FUT8: variants seen among roughly 807,000 people sequenced by gnomAD.
The protein encoded by FUT8 is alpha-(1,6)-fucosyltransferase.
In FUT8, 29 loss-of-function variants were observed where a neutral mutation model predicts 71.3. That is an observed-to-expected ratio of 0.41 (90% CI 0.30 to 0.55). The LOEUF is 0.55. Ranked by LOEUF, FUT8 falls within the 20% of genes least tolerant of loss-of-function variation. The probability of loss-of-function intolerance (pLI) is 0.34; values close to 1 mark genes in which losing one functional copy is unlikely to be tolerated. For missense variants in FUT8, 544 were observed against 702.1 expected (o/e 0.77, Z 2.55); for synonymous variants, 254 against 239.3 (o/e 1.06, Z -0.57).
intron 5 of FUT8, among the ~76,000 whole-genome samples, chr14:65,619,365 C>T (rs1889480961): frequency 6.6e-6 from 1 of 152,112 alleles, no homozygotes; most frequent in Non-Finnish European, 1.5e-5. Flanking sequence ...CCACTTGAAG[C>T]TGTTTCCTAG....
At chr14:65,692,355 G>T (rs1281019810) in intron 7 of FUT8, among the ~76,000 whole-genome samples, 6 of 148,514 alleles carry the variant, frequency 4.0e-5, no homozygotes, top group East Asian at 4.1e-4. Flanking sequence ...GCCGGGCGGG[G>T]GGCTGACCCC....
At chr14:65,502,391 A>AT (rs1413452294) in intron 2 of FUT8, among the ~76,000 whole-genome samples, 2 of 150,678 alleles carry the variant, frequency 1.3e-5, no homozygotes, top group African/African-American at 4.9e-5. Flanking sequence ...TGCCTGGCTA[A>AT]TTTTTGTCTT....
At chr14:65,468,276 T>C in intron 2 of FUT8, 2 of 623,256 alleles carry the variant, frequency 3.2e-6, no homozygotes, top group Non-Finnish European at 6.1e-6. Flanking sequence ...AAGGAACAAC[T>C]CCATGTTTAC....
At chr14:65,379,541 C>CA in the FUT8 span, among the ~76,000 whole-genome samples, 2,795 of 142,160 alleles carry the variant, frequency 0.02, 24 homozygotes, top group African/African-American at 0.026. Context: ...AAACAAAAAA[C>CA]AAAAAAAAAA....
chr14:65,539,517 A>G (rs1176704075), intron 2 of FUT8, among the ~76,000 whole-genome samples: 1 of 152,210 alleles, frequency 6.6e-6, no homozygotes. Flanking sequence ...TCCTGGCTCT[A>G]CTACTTAAAA....
intron 2 of FUT8, among the ~76,000 whole-genome samples, chr14:65,458,562 A>T (rs1240108745): frequency 6.6e-6 from 1 of 152,196 alleles, no homozygotes; most frequent in Admixed American, 6.5e-5. Context: ...AGGTCTTGAG[A>T]AAGTATTATG....
At position 65,705,084 on chromosome 14, in the gene FUT8, A is replaced by G. The variant is rs112774046; in HGVS notation, c.836-16691A>G. 1.1e-3 allele frequency among the ~76,000 whole-genome samples: 169 copies of G among 152,316 alleles called. 1 individual carries two copies. The highest frequency in any genetic ancestry group is 3.8e-3 in the African/African-American group (157 of 41,576). On this transcript the variant is annotated intron_variant, in intron 7 of 10. Coordinates refer to ENST00000673929, the MANE Select transcript of FUT8 (RefSeq NM_001371533.1). ...TATGTTTCATATGATTCAATTTAGA[A>G]CTTTTTATTCAATTGGTTGGAGGCT...
At chr14:65,460,576 G>C (rs1410544409) in intron 2 of FUT8, among the ~76,000 whole-genome samples, 1 of 152,078 alleles carries the variant, frequency 6.6e-6, no homozygotes, top group Admixed American at 6.5e-5. Context: ...ACTGTTCTTT[G>C]TTTCTGATCT....
chr14:65,370,967 A>G, the FUT8 span, among the ~76,000 whole-genome samples: 1 of 152,346 alleles, frequency 6.6e-6, no homozygotes, highest in Non-Finnish European at 1.5e-5. Context: ...GGGACGCTAA[A>G]TATATGGGCG....
At chr14:65,465,824 C>G (rs1435661225) in intron 2 of FUT8, among the ~76,000 whole-genome samples, 2 of 152,114 alleles carry the variant, frequency 1.3e-5, no homozygotes, top group Non-Finnish European at 2.9e-5. Flanking sequence ...ATGATACCTT[C>G]CTGATTTTCT....
chr14:65,619,521 A>G (rs765527277), intron 5 of FUT8, among the ~76,000 whole-genome samples: 9 of 152,270 alleles, frequency 5.9e-5, no homozygotes, highest in Non-Finnish European at 1.2e-4. Context: ...GCAAAATACT[A>G]TTTATTTACC....
At chr14:65,672,661 A>G (rs180810342) in intron 7 of FUT8, among the ~76,000 whole-genome samples, 22 of 152,192 alleles carry the variant, frequency 1.4e-4, no homozygotes, top group African/African-American at 4.3e-4. Context: ...GGGTCTCACT[A>G]TATTGCCCAG....
the FUT8 span, among the ~76,000 whole-genome samples, chr14:65,357,356 C>G: frequency 6.6e-6 from 1 of 152,208 alleles, no homozygotes; most frequent in South Asian, 2.1e-4. Context: ...TTATTTATAA[C>G]AGTTCCCATC....
chr14:65,493,804 T>C (rs879813914), intron 2 of FUT8, among the ~76,000 whole-genome samples: 10 of 152,078 alleles, frequency 6.6e-5, no homozygotes, highest in Admixed American at 5.2e-4. Flanking sequence ...TTCTCCTTTT[T>C]TTTTTCTAAG....
chr14:65,548,490 G>C (rs1885099987), intron 2 of FUT8, among the ~76,000 whole-genome samples: 1 of 151,578 alleles, frequency 6.6e-6, no homozygotes. Context: ...AGGCCATCTT[G>C]ATTTTTTTTT....
intron 2 of FUT8, among the ~76,000 whole-genome samples, chr14:65,549,368 A>G (rs1346790488): frequency 1.3e-5 from 2 of 149,940 alleles, no homozygotes; most frequent in African/African-American, 4.9e-5. Flanking sequence ...ACTAGATTGT[A>G]TTTTTTTCTG....
At chr14:65,608,133 AT>A (rs1888684073) in intron 3 of FUT8, among the ~76,000 whole-genome samples, 1 of 151,602 alleles carries the variant, frequency 6.6e-6, no homozygotes. Flanking sequence ...ACCACTGAAA[AT>A]TTTTATATAT....
intron 7 of FUT8, among the ~76,000 whole-genome samples, chr14:65,682,260 TG>T (rs1442394037): frequency 6.6e-6 from 1 of 152,188 alleles, no homozygotes; most frequent in Non-Finnish European, 1.5e-5. Flanking sequence ...CCCAACACTT[TG>T]GGAGGTTGAT....
At chr14:65,637,659 C>T (rs1277352888) in intron 6 of FUT8, among the ~76,000 whole-genome samples, 1 of 152,026 alleles carries the variant, frequency 6.6e-6, no homozygotes, top group Non-Finnish European at 1.5e-5. Context: ...TAGTCCCTAG[C>T]TCAGCTAGGT....
Sources: allele counts gnomAD v4.1 joint callset (sites outside exome capture counted in the v4.1 genomes callset), GRCh38; gene constraint gnomAD v4.1.1; transcripts MANE v1.5; gene names NCBI Gene and HGNC (gene_info 2026-07-23, HGNC 2026-07-21).